The following PEX19 variants were observed in gnomAD, a reference collection of about 807,000 sequenced individuals.
PEX19 encodes the protein 33 kDa housekeeping protein.
A neutral mutation model predicts 36.3 loss-of-function variants in PEX19; 29 were observed. The ratio of observed to expected loss-of-function variants is 0.80; its 90% confidence interval spans 0.60 to 1.09. The LOEUF (loss-of-function observed/expected upper bound fraction) is 1.09, where lower values mean the gene tolerates loss of function less well. Among genes scored for constraint, PEX19 ranks in the 50% least tolerant of loss-of-function variants. The pLI, the probability that PEX19 is intolerant of heterozygous loss-of-function variation, is 0.00. For missense variants in PEX19, 396 were observed against 368.1 expected (o/e 1.08, Z -0.62); for synonymous variants, 141 against 135.2 (o/e 1.04, Z -0.30).
In PEX19 at chr1:160,280,104, G is replaced by A. The variant is rs1480816223; in HGVS notation, c.737C>T (p.Ala246Val). The change falls in exon 6 of 8, where the codon GCT (alanine) becomes GTT (valine). Residue 246 changes from alanine to valine, a missense_variant. Physicochemically the swap from Ala to Val is moderately conservative, Grantham distance 64. Coordinates refer to ENST00000368072, the MANE Select transcript of PEX19 (RefSeq NM_002857.4). Reference sequence around the variant, plus strand: ...AAGATCCAGCACCATCTCAAAACGAGCCTTTTGAGTGGTTTCACTGTCTGT... The same window carrying A: ...AAGATCCAGCACCATCTCAAAACGAACCTTTTGAGTGGTTTCACTGTCTGT... ...TPTDSETTQK[A>V]RFEMVLDLMQ... 1 of 1,613,880 alleles carries A rather than the reference G, an allele frequency of 6.2e-7. No individual in the cohort carries two copies. The highest frequency in any genetic ancestry group is 1.7e-5 in the Admixed American group (1 of 60,008).
chr1:160,280,796 G>C (rs540166150), intron 5 of PEX19, among the ~76,000 whole-genome samples: 1 of 152,280 alleles, frequency 6.6e-6, no homozygotes, highest in East Asian at 1.9e-4. Context: ...TGGGACTATA[G>C]GAGTGAGCCA....
chr1:160,283,574 C>A lies in PEX19; in HGVS notation c.136G>T (p.Asp46Tyr). Residue 46 changes from aspartate (D) to tyrosine (Y), a missense_variant, in exon 2 of 8, where the codon GAT (aspartate) becomes TAT (tyrosine). Physicochemically the swap from Asp to Tyr is radical, Grantham distance 160. Transcript: ENST00000368072. Reference sequence around the variant, plus strand: ...GATCTCTTCTGGGGCCCCGAAGCATCAGGGGCCGTGGTGGTAGAAGGGGGT... The same window carrying A: ...GATCTCTTCTGGGGCCCCGAAGCATAAGGGGCCGTGGTGGTAGAAGGGGGT... ...PAPPSTTTAP[D>Y]ASGPQKRSPG... 1 of 1,613,976 alleles carries A rather than the reference C, an allele frequency of 6.2e-7. No homozygotes were observed. Among genetic ancestry groups the A allele is most frequent in the East Asian group, 2.2e-5 (1 of 44,864 alleles).
At position 160,277,444 on chromosome 1, in the gene PEX19, C is replaced by A. The variant is rs1427462410; in HGVS notation, c.*2107G>T. 2.2e-6 allele frequency: 1 copy of A among 455,952 alleles called. No homozygotes were observed. 28.2% of individuals were successfully genotyped at this position (455,952 alleles called of 1,614,324 possible). On this transcript the variant is annotated 3_prime_UTR_variant, in exon 8 of 8. Transcript: ENST00000368072. Reference sequence around the variant, plus strand: ...AGTGAAGGACTGGAAAACAAAAAACCTGGTCCTTTACCATACATAGTTTGA... The same window carrying A: ...AGTGAAGGACTGGAAAACAAAAAACATGGTCCTTTACCATACATAGTTTGA...
Position 160,280,241 on chromosome 1 carries a change from T to G in PEX19, c.600A>C (p.Pro200=). 1 of 1,613,668 alleles carries G rather than the reference T, an allele frequency of 6.2e-7. No individual in the cohort carries two copies. The highest frequency in any genetic ancestry group is 8.5e-7 in the Non-Finnish European group (1 of 1,179,518). ...ATTCCCGATGACTCTGCAACCATTC[T>G]GGATACTAAGAAAAGAGAGAATGGG... ...PSLKEITEKY[P]EWLQSHRESL... Residue 200 remains proline, a synonymous_variant, in exon 6 of 8, where the codon CCA becomes CCC. Transcript: ENST00000368072.
chr1:160,277,357 G>A lies in PEX19; in HGVS notation c.*2194C>T, dbSNP rs891410222. ...CAGTTTGGGTGCTGTCAAACTTGCC[G>A]GGTCGGCAGCACACAGTGTGAACTC... On this transcript the variant is annotated 3_prime_UTR_variant, in exon 8 of 8. Transcript: ENST00000368072. 2.4e-5 allele frequency: 11 copies of A among 455,970 alleles called. No homozygotes were observed. The highest frequency in any genetic ancestry group is 2.0e-4 in the African/African-American group (10 of 50,074). 28.2% of individuals were successfully genotyped at this position (455,970 alleles called of 1,614,324 possible). A position where few individuals can be genotyped will look rare whatever the true frequency, so the allele number is the denominator to read the frequency against.
rs10594 is a variant in PEX19, at chr1:160,277,395, G to C, written c.*2156C>G. On this transcript the variant is annotated 3_prime_UTR_variant, in exon 8 of 8. Transcript: ENST00000368072. ...ACAGTGTGAACTCCATACCTGTCAT[G>C]GGCAATAGGAATGCATATTGATAAG... The C allele has an allele frequency of 0.49, 223,275 of 455,818 alleles. 56,068 individuals are homozygous for C. Among genetic ancestry groups the C allele is most frequent in the South Asian group, 0.61 (39,393 of 64,564 alleles). 28.2% of individuals were successfully genotyped at this position (455,818 alleles called of 1,614,324 possible). A position where few individuals can be genotyped will look rare whatever the true frequency, so the allele number is the denominator to read the frequency against.
chr1:160,284,617 T>C (rs1657927319), intron 1 of PEX19, among the ~76,000 whole-genome samples: 1 of 152,058 alleles, frequency 6.6e-6, no homozygotes, highest in East Asian at 1.9e-4. Context: ...AAAGTGTCTT[T>C]CGTGTTAAGG....
Position 160,283,623 on chromosome 1 carries a change from G to A in PEX19, c.87C>T (p.Phe29=), listed in dbSNP as rs141911166. Residue 29 remains phenylalanine, a synonymous_variant, in exon 2 of 8, where the codon TTC becomes TTT. Transcript: ENST00000368072. ...EELLESALDD[F]DKAKPSPAPP... is the part of the protein sequence containing the mutation. ...GTGCTGGGGAGGGTTTGGCTTTATC[G>A]AAATCATCAAGAGCACCTTCAGAGA... The A allele has an allele frequency of 1.0e-4, 162 of 1,613,844 alleles. No individual in the cohort carries two copies. In the African/African-American group the frequency reaches 1.7e-3, roughly 17 times the overall value.
Position 160,283,028 on chromosome 1 carries a change from C to G in PEX19, c.262G>C (p.Glu88Gln), listed in dbSNP as rs372422266. ...ELASQATAEF[E>Q]KAMKELAEEE... ...TCAGCCAACTCCTTCATTGCCTTCTCGAACTCCGCAGTGGCTTGGGAAGCC... is the reference window on the plus strand; with the variant it reads ...TCAGCCAACTCCTTCATTGCCTTCTGGAACTCCGCAGTGGCTTGGGAAGCC... The change falls in exon 3 of 8, where the codon GAG becomes CAG. Residue 88 changes from glutamate (E) to glutamine (Q), a missense_variant. By Grantham distance (29) the Glu-to-Gln change is conservative. Transcript: ENST00000368072. 7 of 1,614,074 alleles carry G rather than the reference C, an allele frequency of 4.3e-6. No individual in the cohort carries two copies. Among genetic ancestry groups the G allele is most frequent in the Non-Finnish European group, 5.9e-6 (7 of 1,180,038 alleles).
At position 160,277,103 on chromosome 1, in the gene PEX19, T is replaced by C. The variant is rs1338625582; in HGVS notation, c.*2448A>G. ...AATAGGAGAGAACAAGAGATACAGG[T>C]AGGTATCAGTTCTGCTAGGGTCTTC... On this transcript the variant is annotated 3_prime_UTR_variant, in exon 8 of 8. Coordinates refer to ENST00000368072, the MANE Select transcript of PEX19 (RefSeq NM_002857.4). 1 of 453,784 alleles carries C rather than the reference T, an allele frequency of 2.2e-6. No individual in the cohort carries two copies. Among genetic ancestry groups the C allele is most frequent in the Non-Finnish European group, 4.4e-6 (1 of 226,792 alleles). The allele number at this position is 453,784 out of a possible 1,614,324, so 28.1% of individuals were successfully genotyped here. A position where few individuals can be genotyped will look rare whatever the true frequency, so the allele number is the denominator to read the frequency against.
rs777254776 is a variant in PEX19 at position 160,279,852 on chromosome 1, A to G, written c.772-7T>C. 9 of 1,610,938 alleles carry G rather than the reference A, an allele frequency of 5.6e-6. No individual in the cohort carries two copies. The African/African-American group carries it at 9.3e-5, about 17-fold the overall frequency. ...GATGGCCTAAATCTTGTAGCTAGAA[A>G]ATAAGGAAAATGGAACATGAAATAG... is the stretch of plus-strand genomic sequence containing the variant. On this transcript the variant is annotated splice_region_variant and splice_polypyrimidine_tract_variant and intron_variant, in intron 6 of 7. Coordinates refer to ENST00000368072, the MANE Select transcript of PEX19 (RefSeq NM_002857.4).
rs200411231 is a variant in PEX19 at position 160,282,371 on chromosome 1, T to C, written c.432+46A>G. On this transcript the variant is annotated intron_variant, in intron 4 of 7. Transcript: ENST00000368072. ...GTCTTTTGAGACTCTGCTGGAGAAA[T>C]GTCTGGGAGTGGACCCCTTGTGGGC... 43 of 1,485,190 alleles carry C rather than the reference T, an allele frequency of 2.9e-5. No homozygotes were observed. In the African/African-American group the frequency reaches 5.3e-4, roughly 18 times the overall value. 92.0% of individuals were successfully genotyped at this position (1,485,190 alleles called of 1,614,324 possible). A position where few individuals can be genotyped will look rare whatever the true frequency, so the allele number is the denominator to read the frequency against.
chr1:160,281,031 G>C (rs1375537163), intron 5 of PEX19, among the ~76,000 whole-genome samples: 1 of 152,148 alleles, frequency 6.6e-6, no homozygotes, highest in Non-Finnish European at 1.5e-5. Context: ...TCTTTAGCCA[G>C]GTGTGGTGGC....
At chr1:160,283,198 GA>G in intron 2 of PEX19, 89 bp from the exon 3 acceptor site, 1 of 1,368,670 alleles carries the variant, frequency 7.3e-7, no homozygotes. Flanking sequence ...GTGGCTATGG[GA>G]AATGCACCTC....
intron 5 of PEX19, 72 bp downstream of exon 5, chr1:160,281,967 T>G: frequency 7.6e-7 from 1 of 1,311,984 alleles, no homozygotes; most frequent in Non-Finnish European, 1.1e-6. Flanking sequence ...AGGCTCTGAG[T>G]AGACAAAATA....
chr1:160,284,522 G>A (rs2301298), intron 1 of PEX19, among the ~76,000 whole-genome samples: 11,676 of 152,168 alleles, frequency 0.077, 577 homozygotes, highest in African/African-American at 0.13. Context: ...TCAAAATAAG[G>A]GAAAGGAGTC....
At chr1:160,284,130 C>A (rs1452770707) in intron 1 of PEX19, 3 of 471,910 alleles carry the variant, frequency 6.4e-6, no homozygotes, top group South Asian at 3.1e-5. Context: ...GGACTACATA[C>A]CAGACTCCAT....
In PEX19 at chr1:160,278,500, T is replaced by A. The variant is rs771244355; in HGVS notation, c.*1051A>T. 2.0e-6 allele frequency: 1 copy of A among 496,598 alleles called. No homozygotes were observed. Among genetic ancestry groups the A allele is most frequent in the Non-Finnish European group, 3.9e-6 (1 of 255,582 alleles). 30.8% of individuals were successfully genotyped at this position (496,598 alleles called of 1,614,324 possible). A position where few individuals can be genotyped will look rare whatever the true frequency, so the allele number is the denominator to read the frequency against. On this transcript the variant is annotated 3_prime_UTR_variant, in exon 8 of 8. Transcript: ENST00000368072. ...CACACTCCTCACTCAGAATATTTAT[T>A]ATATTCTGCCCCATGGGGCCTTGCA...
chr1:160,283,017 CA>C lies in PEX19; in HGVS notation c.272del (p.Met91ArgfsTer29). On this transcript the variant is annotated frameshift_variant, in exon 3 of 8. Coordinates refer to ENST00000368072, the MANE Select transcript of PEX19 (RefSeq NM_002857.4). LOFTEE classifies it high-confidence loss of function. ...SQATAEFEKA[M>X]KELAEEEPHL... is the part of the protein sequence containing the mutation. ...GGGGTTCTTCCTCAGCCAACTCCTT[CA>C]TTGCCTTCTCGAACTCCGCAGTGGC... is the stretch of plus-strand genomic sequence containing the variant. 6.2e-7 allele frequency: 1 copy of C among 1,614,236 alleles called. No homozygotes were observed. The highest frequency in any genetic ancestry group is 8.5e-7 in the Non-Finnish European group (1 of 1,180,040).
Sources: allele counts gnomAD v4.1 joint callset (sites outside exome capture counted in the v4.1 genomes callset), GRCh38; gene constraint gnomAD v4.1.1; transcripts MANE v1.5; gene names NCBI Gene and HGNC (gene_info 2026-07-23, HGNC 2026-07-21).